The following JADE3 variants were observed in gnomAD, a reference collection of about 807,000 sequenced individuals.
JADE3 encodes protein Jade-3.
A neutral mutation model predicts 50.1 loss-of-function variants in JADE3; 2 were observed. The observed-to-expected ratio is 0.04, with a 90% CI of 0.02 to 0.13. The LOEUF (loss-of-function observed/expected upper bound fraction) is 0.13. Among genes scored for constraint, JADE3 ranks in the 10% least tolerant of loss-of-function variants. The pLI, the probability that JADE3 is intolerant of heterozygous loss-of-function variation, is 1.00. For synonymous variants in JADE3, 218 were observed against 232.9 expected, an observed-to-expected ratio of 0.94 and a Z score of 0.58; for missense variants, 475 against 634.4, an observed-to-expected ratio of 0.75 and a Z score of 2.70.
At chrX:46,970,915 T>G (rs1010567675) in intron 1 of JADE3, among the ~76,000 whole-genome samples, 1 of 110,961 alleles carries the variant, frequency 9.0e-6, no homozygotes, top group Non-Finnish European at 1.9e-5. Flanking sequence ...TGGGAAATCG[T>G]TTTTTTAAAT....
chrX:46,986,278 T>C (rs1174060666), intron 3 of JADE3, among the ~76,000 whole-genome samples: 3 of 112,659 alleles, frequency 2.7e-5, no homozygotes, highest in Non-Finnish European at 5.6e-5. Context: ...CCTAACTATA[T>C]ACCAACAATA....
chrX:47,049,925 C>A (rs1394531498), intron 8 of JADE3, among the ~76,000 whole-genome samples: 1 of 107,235 alleles, frequency 9.3e-6, no homozygotes, highest in African/African-American at 3.4e-5. Context: ...CTGCACCCGG[C>A]ACTCTTCTTC....
At chrX:46,936,119 A>G (rs149547740) in intron 1 of JADE3, among the ~76,000 whole-genome samples, 2,485 of 108,102 alleles carry the variant, frequency 0.023, 27 homozygotes, top group South Asian at 0.041. Flanking sequence ...CCTGGGTTCA[A>G]GCAATTCTCC....
chrX:47,057,432 T>C (rs1929651545), intron 10 of JADE3, among the ~76,000 whole-genome samples: 1 of 111,501 alleles, frequency 9.0e-6, no homozygotes, highest in African/African-American at 3.3e-5. Flanking sequence ...CTGACTGTGA[T>C]TGTAGGATGA....
At chrX:46,962,603 C>T (rs1437915717) in intron 1 of JADE3, among the ~76,000 whole-genome samples, 1 of 111,449 alleles carries the variant, frequency 9.0e-6, no homozygotes, top group Non-Finnish European at 1.9e-5. Flanking sequence ...ATAAGCGAGG[C>T]TTTATGTATT....
chrX:47,032,104 G>A (rs1275758650), intron 6 of JADE3, among the ~76,000 whole-genome samples: 2 of 111,251 alleles, frequency 1.8e-5, no homozygotes, highest in South Asian at 3.8e-4. Flanking sequence ...ACACATGGAT[G>A]TGAAAATAAG....
intron 1 of JADE3, among the ~76,000 whole-genome samples, chrX:46,984,548 T>C (rs1000275090): frequency 9.0e-6 from 1 of 111,189 alleles, no homozygotes; most frequent in Non-Finnish European, 1.9e-5. Context: ...GATCACTGGC[T>C]GGTTATGGCC....
intron 7 of JADE3, among the ~76,000 whole-genome samples, chrX:47,034,606 T>G (rs1461834119): frequency 9.1e-6 from 1 of 109,859 alleles, no homozygotes; most frequent in Non-Finnish European, 1.9e-5. Context: ...TTATTTATTT[T>G]ATTTTATTTT....
chrX:46,941,281 T>C (rs782434433), intron 1 of JADE3, among the ~76,000 whole-genome samples: 1 of 112,082 alleles, frequency 8.9e-6, no homozygotes. Context: ...TATTCTATGG[T>C]ATATAAGTAC....
intron 1 of JADE3, among the ~76,000 whole-genome samples, chrX:46,950,672 G>A (rs1197154229): frequency 1.8e-5 from 2 of 111,632 alleles, no homozygotes; most frequent in African/African-American, 3.3e-5. Flanking sequence ...GAATTGCTGG[G>A]CTGTATGTTA....
intron 7 of JADE3, among the ~76,000 whole-genome samples, chrX:47,037,697 GATACAGGCATGTAA>G: frequency 8.9e-6 from 1 of 112,276 alleles, no homozygotes; most frequent in African/African-American, 3.2e-5. Context: ...ATGAGATTTT[GATACAGGCATGTAA>G]TGCCTAATAA....
At chrX:47,045,028 AAAG>A (rs1556370393) in intron 8 of JADE3, among the ~76,000 whole-genome samples, 1 of 111,873 alleles carries the variant, frequency 8.9e-6, no homozygotes, top group Non-Finnish European at 1.9e-5. Flanking sequence ...GGAAGGAAGA[AAAG>A]ACCACAAGAC....
chrX:47,033,909 A>G (rs1222536594), intron 7 of JADE3, 121 bp downstream of exon 7: 25 of 576,232 alleles, frequency 4.3e-5, no homozygotes, highest in Non-Finnish European at 2.6e-6. Flanking sequence ...TTCTGAAGTA[A>G]TAGTACTTCC....
intron 1 of JADE3, among the ~76,000 whole-genome samples, chrX:46,925,819 G>A (rs1390751628): frequency 7.4e-5 from 6 of 81,454 alleles, no homozygotes; most frequent in Non-Finnish European, 1.3e-4. Context: ...GCAAGACTCC[G>A]TCTAAAAAAA....
intron 1 of JADE3, among the ~76,000 whole-genome samples, chrX:46,975,750 C>T (rs1354405075): frequency 1.4e-5 from 1 of 69,194 alleles, no homozygotes; most frequent in African/African-American, 6.3e-5. Flanking sequence ...GACAGAGTCT[C>T]GCTCTGTCAC....
chrX:46,974,274 C>T (rs1927562742), intron 1 of JADE3, among the ~76,000 whole-genome samples: 1 of 108,203 alleles, frequency 9.2e-6, no homozygotes, highest in South Asian at 4.0e-4. Flanking sequence ...GGTGTGGTGG[C>T]GCATGCCTGT....
At chrX:46,968,573 CAAAAT>C (rs1927416251) in intron 1 of JADE3, among the ~76,000 whole-genome samples, 1 of 110,466 alleles carries the variant, frequency 9.1e-6, no homozygotes, top group African/African-American at 3.3e-5. Context: ...GACCGTATCT[CAAAAT>C]AAAAAGTAAA....
chrX:46,992,316 TC>T (rs1399079049), intron 3 of JADE3, among the ~76,000 whole-genome samples: 1 of 106,210 alleles, frequency 9.4e-6, no homozygotes, highest in East Asian at 3.0e-4. Flanking sequence ...CACCCCAGCT[TC>T]CCTGTGTGAG....
chrX:47,010,291 C>T (rs1379738490), intron 4 of JADE3, among the ~76,000 whole-genome samples: 5 of 111,423 alleles, frequency 4.5e-5, no homozygotes, highest in African/African-American at 1.3e-4. Context: ...TGCAATGGTG[C>T]GATCTAGGCT....
Sources: allele counts gnomAD v4.1 joint callset (sites outside exome capture counted in the v4.1 genomes callset), GRCh38; gene constraint gnomAD v4.1.1; transcripts MANE v1.5; gene names NCBI Gene and HGNC (gene_info 2026-07-23, HGNC 2026-07-21).